The following GNB1 variants were observed in gnomAD, a reference collection of about 807,000 sequenced individuals.
GNB1 encodes G protein subunit beta 1.
In GNB1, 2 loss-of-function variants were observed where a neutral mutation model predicts 42.9. The observed-to-expected ratio is 0.05, with a 90% CI of 0.02 to 0.15. The LOEUF is 0.15. GNB1 is among the 10% of genes least tolerant of loss of function. GNB1 has a pLI of 1.00. For synonymous variants in GNB1, 183 were observed against 174.7 expected (o/e 1.05, Z -0.38); for missense variants, 193 against 462.2 (o/e 0.42, Z 5.34).
At chr1:1,791,802 G>GA in intron 8 of GNB1, among the ~76,000 whole-genome samples, 1 of 152,146 alleles carries the variant, frequency 6.6e-6, no homozygotes, top group East Asian at 1.9e-4. Flanking sequence ...AAAAGAGTCT[G>GA]AAAAAAATGA....
At chr1:1,853,331 A>C (rs964178264) in intron 1 of GNB1, among the ~76,000 whole-genome samples, 5 of 152,202 alleles carry the variant, frequency 3.3e-5, no homozygotes, top group African/African-American at 1.2e-4. Flanking sequence ...AGCCTGGCCT[A>C]ATTTAAAGCT....
At chr1:1,877,970 A>G (rs1649640643) in intron 1 of GNB1, among the ~76,000 whole-genome samples, 1 of 152,224 alleles carries the variant, frequency 6.6e-6, no homozygotes, top group South Asian at 2.1e-4. Context: ...GCAGACACAG[A>G]AGTCTTCTCA....
intron 7 of GNB1, among the ~76,000 whole-genome samples, chr1:1,798,592 C>G (rs1284923364): frequency 6.6e-6 from 1 of 152,228 alleles, no homozygotes; most frequent in Non-Finnish European, 1.5e-5. Flanking sequence ...CGTGTCTCCA[C>G]TGCCCGAGAG....
chr1:1,856,214 G>T (rs1417782232), intron 1 of GNB1, among the ~76,000 whole-genome samples: 1 of 152,170 alleles, frequency 6.6e-6, no homozygotes, highest in Non-Finnish European at 1.5e-5. Context: ...AGATGGGCTG[G>T]TCTCGCTACA....
intron 1 of GNB1, among the ~76,000 whole-genome samples, chr1:1,840,061 T>A (rs1647205267): frequency 1.3e-5 from 2 of 151,466 alleles, no homozygotes; most frequent in Admixed American, 1.3e-4. Context: ...AAAACGTTTC[T>A]ACTAAAAATT....
At chr1:1,825,592 T>G in intron 2 of GNB1, 93 bp from the exon 3 acceptor site, 1 of 747,866 alleles carries the variant, frequency 1.3e-6, no homozygotes, top group East Asian at 2.6e-5. Context: ...AAGGTGGGCG[T>G]GGTGGCTCAA....
At chr1:1,813,769 G>A (rs1646813886) in intron 5 of GNB1, among the ~76,000 whole-genome samples, 1 of 152,208 alleles carries the variant, frequency 6.6e-6, no homozygotes, top group South Asian at 2.1e-4. Context: ...GGGATGAGAG[G>A]CATGAGCCAA....
intron 5 of GNB1, among the ~76,000 whole-genome samples, chr1:1,814,214 A>T (rs1266531681): frequency 6.6e-6 from 1 of 152,192 alleles, no homozygotes; most frequent in Non-Finnish European, 1.5e-5. Context: ...TTTGTTCTCT[A>T]GCTGTTTGTG....
At chr1:1,880,383 G>A (rs886398792) in intron 1 of GNB1, among the ~76,000 whole-genome samples, 18 of 152,016 alleles carry the variant, frequency 1.2e-4, no homozygotes, top group Admixed American at 5.2e-4. Context: ...GGCGGATCAC[G>A]AGGTCAGGAG....
chr1:1,883,411 C>T (rs1649965775), intron 1 of GNB1, among the ~76,000 whole-genome samples: 2 of 151,966 alleles, frequency 1.3e-5, no homozygotes, highest in South Asian at 4.2e-4. Flanking sequence ...TGTTCCACAC[C>T]CTGAATTAAT....
chr1:1,820,711 C>T lies in GNB1; in HGVS notation c.58-2836G>A, dbSNP rs889751113. 5.3e-5 allele frequency among the ~76,000 whole-genome samples: 8 copies of T among 152,234 alleles called. No homozygotes were observed. In the South Asian group the frequency reaches 1.7e-3, roughly 32 times the overall value. On this transcript the variant is annotated intron_variant, in intron 3 of 11. Coordinates refer to ENST00000378609, the MANE Select transcript of GNB1 (RefSeq NM_002074.5). ...AACATGAGATTTAAGCAACTTCCCC[C>T]GGTTAGTGTCCAATGACTAAAATGA...
In GNB1 at chr1:1,886,457, CTGATG is replaced by C. The variant is rs569291376; in HGVS notation, c.-96+4358_-96+4362del. ...GTGCTCTGTCCCTCTCCCAGAGCAGCTGATGTGATGTTGCATTTCTCTCTCTTCAT... is the reference window on the plus strand; with the variant it reads ...GTGCTCTGTCCCTCTCCCAGAGCAGCTGATGTTGCATTTCTCTCTCTTCAT... On this transcript the variant is annotated intron_variant, in intron 1 of 11. Transcript: ENST00000378609. Among the ~76,000 whole-genome samples the C allele has an allele frequency of 3.0e-3, 451 of 152,346 alleles. 6 individuals carry two copies. Among genetic ancestry groups the C allele is most frequent in the African/African-American group, 0.01 (428 of 41,592 alleles).
rs764997309 is a variant in GNB1 at position 1,817,845 on chromosome 1, G to A, written c.88C>T (p.Leu30Phe). ...DARKACADATLSQITNNIDPV... is the reference protein window; with the variant it reads ...DARKACADATFSQITNNIDPV... ...ACTCAGTGGGCTCTTACCTGAGAGA[G>A]AGTTGCATCTGCACATGCTTTCCTG... Residue 30 changes from leucine (L) to phenylalanine (F), a missense_variant, in exon 4 of 12, where the codon CTC becomes TTC. Physicochemically the swap from Leu to Phe is conservative, Grantham distance 22. Coordinates refer to ENST00000378609, the MANE Select transcript of GNB1 (RefSeq NM_002074.5). 11 of 1,611,688 alleles carry A rather than the reference G, an allele frequency of 6.8e-6. No individual in the cohort carries two copies. In the South Asian group the frequency reaches 1.1e-4, roughly 16 times the overall value.
At chr1:1,884,224 C>G (rs779824082) in intron 1 of GNB1, among the ~76,000 whole-genome samples, 2 of 152,010 alleles carry the variant, frequency 1.3e-5, no homozygotes, top group South Asian at 2.1e-4. Flanking sequence ...CTCAGCCTCC[C>G]GAGTAGCTGG....
At chr1:1,788,972 G>GC in intron 10 of GNB1, 81 bp downstream of exon 10, 1 of 1,016,250 alleles carries the variant, frequency 9.8e-7, no homozygotes, top group Non-Finnish European at 1.5e-6. Flanking sequence ...AAACACTGCA[G>GC]CTTATGCAAC....
intron 1 of GNB1, among the ~76,000 whole-genome samples, chr1:1,852,145 G>A (rs7526236): frequency 0.24 from 35,399 of 149,984 alleles, 4,335 homozygotes; most frequent in Non-Finnish European, 0.26. Flanking sequence ...GGAGCCAGGC[G>A]TGGTGGCTCA....
chr1:1,847,373 T>C (rs1240534786), intron 1 of GNB1, among the ~76,000 whole-genome samples: 1 of 152,176 alleles, frequency 6.6e-6, no homozygotes, highest in Non-Finnish European at 1.5e-5. Flanking sequence ...CAGTAAGGGA[T>C]TGCCTTTTAA....
intron 1 of GNB1, among the ~76,000 whole-genome samples, chr1:1,865,988 G>T (rs1347811195): frequency 6.6e-6 from 1 of 151,780 alleles, no homozygotes; most frequent in Non-Finnish European, 1.5e-5. Context: ...GCCCAGGCTG[G>T]AGTACAATGG....
chr1:1,845,828 C>CACACAT (rs1647624524), intron 1 of GNB1, among the ~76,000 whole-genome samples: 1 of 36,798 alleles, frequency 2.7e-5, no homozygotes, highest in East Asian at 7.7e-4. Context: ...AGTCCATACA[C>CACACAT]ACACACACAC....
Sources: allele counts gnomAD v4.1 joint callset (sites outside exome capture counted in the v4.1 genomes callset), GRCh38; gene constraint gnomAD v4.1.1; transcripts MANE v1.5; gene names NCBI Gene and HGNC (gene_info 2026-07-23, HGNC 2026-07-21).